ASIC2: variants seen among roughly 807,000 people sequenced by gnomAD.
ASIC2 encodes acid sensing ion channel subunit 2.
Under a neutral mutation model 57.3 loss-of-function variants are expected in ASIC2, and 25 were observed. The observed-to-expected ratio is 0.44, with a 90% CI of 0.32 to 0.61. ASIC2 has a LOEUF of 0.61. Ranked by LOEUF, ASIC2 falls within the 20% of genes least tolerant of loss-of-function variation. The pLI is 0.06. For missense variants in ASIC2, 641 were observed against 738.1 expected (o/e 0.87, Z 1.52); for synonymous variants, 319 against 307.5 (o/e 1.04, Z -0.39).
At chr17:33,119,288 G>A (rs187107712) in intron 1 of ASIC2, among the ~76,000 whole-genome samples, 1 of 152,276 alleles carries the variant, frequency 6.6e-6, no homozygotes, top group Admixed American at 6.5e-5. Flanking sequence ...AAACTTAGCT[G>A]TTTTTTCTCT....
intron 1 of ASIC2, among the ~76,000 whole-genome samples, chr17:33,890,739 T>C (rs774425829): frequency 6.6e-6 from 1 of 152,166 alleles, no homozygotes; most frequent in Non-Finnish European, 1.5e-5. Flanking sequence ...TCTTCTCCAA[T>C]GGGAGAAGCT....
chr17:33,546,325 G>A (rs1228631414), intron 1 of ASIC2, among the ~76,000 whole-genome samples: 1 of 151,984 alleles, frequency 6.6e-6, no homozygotes, highest in African/African-American at 2.4e-5. Flanking sequence ...CTTCCTTCAT[G>A]TTTTCTCAAC....
At chr17:34,001,218 A>G (rs1055561118) in intron 1 of ASIC2, 3 of 152,172 alleles carry the variant, frequency 2.0e-5, no homozygotes, top group African/African-American at 7.2e-5. Flanking sequence ...TTTACAGACT[A>G]GCTTCAGCAA....
intron 1 of ASIC2, among the ~76,000 whole-genome samples, chr17:33,705,287 CCTTT>C (rs1220000739): frequency 1.3e-5 from 2 of 152,106 alleles, no homozygotes; most frequent in Admixed American, 1.3e-4. Flanking sequence ...CATATTCTTT[CCTTT>C]AATTAATCAA....
At chr17:33,025,630 C>A (rs2091855636) in intron 5 of ASIC2, among the ~76,000 whole-genome samples, 1 of 152,030 alleles carries the variant, frequency 6.6e-6, no homozygotes, top group Non-Finnish European at 1.5e-5. Flanking sequence ...CCTTAGCACC[C>A]TCTGTTTCCC....
chr17:33,518,881 C>T (rs1012773698), intron 1 of ASIC2, among the ~76,000 whole-genome samples: 2 of 151,590 alleles, frequency 1.3e-5, no homozygotes, highest in Non-Finnish European at 2.9e-5. Flanking sequence ...AGTACAGTGG[C>T]GTGATCTCGG....
chr17:33,556,277 T>G (rs1359316060), intron 1 of ASIC2, among the ~76,000 whole-genome samples: 1 of 152,162 alleles, frequency 6.6e-6, no homozygotes, highest in Non-Finnish European at 1.5e-5. Context: ...AGTTACACAA[T>G]GAACTGAGTA....
chr17:33,125,455 A>G (rs2092319476), intron 1 of ASIC2, among the ~76,000 whole-genome samples: 1 of 152,206 alleles, frequency 6.6e-6, no homozygotes, highest in Admixed American at 6.5e-5. Flanking sequence ...ATTATGAACT[A>G]AATATCAAAG....
At position 34,123,431 on chromosome 17, in the gene ASIC2, G is replaced by A. The variant is rs186297370; in HGVS notation, c.555+32547C>T. ...TGTAGACTACCAGGGAGGGAGAGGG[G>A]CCAGACTCCTGGGGAATGGCAGCCA... On this transcript the variant is annotated intron_variant, in intron 1 of 9. Transcript: ENST00000359872. Among the ~76,000 whole-genome samples, 303 of 152,268 alleles carry A rather than the reference G, an allele frequency of 2.0e-3. 2 individuals are homozygous for A. The highest frequency in any genetic ancestry group is 7.0e-3 in the African/African-American group (290 of 41,546).
At chr17:33,809,043 G>A (rs1009635336) in intron 1 of ASIC2, among the ~76,000 whole-genome samples, 5 of 152,198 alleles carry the variant, frequency 3.3e-5, no homozygotes, top group Admixed American at 2.6e-4. Context: ...GAAAAGTTAC[G>A]TTCTCTGCTA....
At chr17:33,576,657 A>G (rs1395268611) in intron 1 of ASIC2, among the ~76,000 whole-genome samples, 1 of 152,220 alleles carries the variant, frequency 6.6e-6, no homozygotes, top group Non-Finnish European at 1.5e-5. Flanking sequence ...GTGAGCACTT[A>G]ATAAGAACTC....
chr17:34,111,961 T>C (rs1911289798), intron 1 of ASIC2, among the ~76,000 whole-genome samples: 1 of 152,168 alleles, frequency 6.6e-6, no homozygotes, highest in African/African-American at 2.4e-5. Flanking sequence ...ATTATTTCTA[T>C]ATAATGATTA....
At chr17:33,808,736 A>G (rs1009435764) in intron 1 of ASIC2, among the ~76,000 whole-genome samples, 9 of 152,098 alleles carry the variant, frequency 5.9e-5, no homozygotes, top group African/African-American at 1.9e-4. Context: ...ACCCTCTACT[A>G]AGGCATCTCC....
chr17:33,804,936 G>T (rs893599459), intron 1 of ASIC2, among the ~76,000 whole-genome samples: 1 of 150,944 alleles, frequency 6.6e-6, no homozygotes, highest in Non-Finnish European at 1.5e-5. Flanking sequence ...ATTAGGCTCT[G>T]TATCCTGGGA....
At chr17:34,126,129 G>A (rs1367193205) in intron 1 of ASIC2, among the ~76,000 whole-genome samples, 1 of 152,210 alleles carries the variant, frequency 6.6e-6, no homozygotes, top group African/African-American at 2.4e-5. Flanking sequence ...GGACCCAGTG[G>A]AGGACTGAAG....
chr17:33,085,148 A>G (rs1231160914), intron 3 of ASIC2, among the ~76,000 whole-genome samples: 1 of 152,160 alleles, frequency 6.6e-6, no homozygotes, highest in African/African-American at 2.4e-5. Context: ...TTTCCAGGAA[A>G]GGGCTTTCTA....
intron 1 of ASIC2, among the ~76,000 whole-genome samples, chr17:33,982,590 C>A (rs776834547): frequency 1.3e-4 from 20 of 152,192 alleles, no homozygotes; most frequent in Non-Finnish European, 2.8e-4. Context: ...TCTAGTGTCT[C>A]TCTGTATTTT....
intron 1 of ASIC2, among the ~76,000 whole-genome samples, chr17:33,405,376 T>C (rs1229139469): frequency 6.6e-6 from 1 of 152,200 alleles, no homozygotes; most frequent in Non-Finnish European, 1.5e-5. Flanking sequence ...TTCTGTATTA[T>C]TGATGCTCTG....
chr17:33,534,641 C>T (rs1203448023), intron 1 of ASIC2: 1 of 152,184 alleles, frequency 6.6e-6, no homozygotes, highest in Non-Finnish European at 1.5e-5. Context: ...TCCATCACCC[C>T]ATAAAGGAGG....
Sources: allele counts gnomAD v4.1 joint callset (sites outside exome capture counted in the v4.1 genomes callset), GRCh38; gene constraint gnomAD v4.1.1; transcripts MANE v1.5; gene names NCBI Gene and HGNC (gene_info 2026-07-23, HGNC 2026-07-21).